The following PLEKHA5 variants were observed in gnomAD, a reference collection of about 807,000 sequenced individuals.
PLEKHA5 encodes pleckstrin homology domain containing A5.
PLEKHA5 carries 55 observed loss-of-function variants against 181.9 expected under a neutral mutation model. The ratio of observed to expected loss-of-function variants is 0.30; its 90% CI spans 0.24 to 0.38. PLEKHA5 has a LOEUF of 0.38. Ranked by LOEUF, PLEKHA5 falls within the 10% of genes least tolerant of loss-of-function variation. The pLI is 1.00. For synonymous variants in PLEKHA5, 535 were observed against 529.4 expected (o/e 1.01, Z -0.15); for missense variants, 1,432 against 1,549.5 (o/e 0.92, Z 1.27).
intron 3 of PLEKHA5, among the ~76,000 whole-genome samples, chr12:19,228,007 G>C (rs978781977): frequency 2.6e-5 from 4 of 152,132 alleles, no homozygotes; most frequent in South Asian, 2.1e-4. Context: ...ATGGGAGCCC[G>C]CTAAGATCCC....
intron 20 of PLEKHA5, among the ~76,000 whole-genome samples, chr12:19,330,571 T>TA (rs1043104848): frequency 1.7e-4 from 26 of 149,022 alleles, no homozygotes; most frequent in South Asian, 2.2e-4. Flanking sequence ...TATAAATTCG[T>TA]AAAAAAAAAT....
At chr12:19,369,002 TG>T (rs2095507765) in intron 30 of PLEKHA5, among the ~76,000 whole-genome samples, 1 of 151,214 alleles carries the variant, frequency 6.6e-6, no homozygotes, top group East Asian at 1.9e-4. Context: ...AAAAAAAAAA[TG>T]TAAAGTATTT....
At chr12:19,149,205 G>C (rs2039715710) in intron 3 of PLEKHA5, among the ~76,000 whole-genome samples, 1 of 152,030 alleles carries the variant, frequency 6.6e-6, no homozygotes, top group Admixed American at 6.6e-5. Flanking sequence ...ATCAGTTATT[G>C]CTCTATGACA....
intron 21 of PLEKHA5, among the ~76,000 whole-genome samples, chr12:19,340,466 T>C (rs1317352994): frequency 3.0e-5 from 4 of 133,694 alleles, no homozygotes; most frequent in Non-Finnish European, 6.8e-5. Context: ...CAACAGCTCA[T>C]TGAGAACGGG....
intron 3 of PLEKHA5, among the ~76,000 whole-genome samples, chr12:19,241,427 A>AATAC (rs1021965513): frequency 5.9e-4 from 90 of 152,312 alleles, no homozygotes; most frequent in African/African-American, 2.1e-3. Context: ...GTACACGATA[A>AATAC]ATACATACTG....
chr12:19,132,325 TA>T, intron 2 of PLEKHA5, 67 bp from the exon 3 acceptor site: 1 of 818,412 alleles, frequency 1.2e-6, no homozygotes, highest in African/African-American at 1.8e-5. Flanking sequence ...AATGGATAAT[TA>T]AAATGGATTG....
intron 10 of PLEKHA5, among the ~76,000 whole-genome samples, chr12:19,272,360 G>A (rs1319914078): frequency 6.6e-6 from 1 of 152,006 alleles, no homozygotes; most frequent in Non-Finnish European, 1.5e-5. Context: ...TTAGAGAAAA[G>A]TCATCATATG....
At chr12:19,231,896 CA>C (rs2152390304) in intron 3 of PLEKHA5, among the ~76,000 whole-genome samples, 1 of 151,804 alleles carries the variant, frequency 6.6e-6, no homozygotes, top group East Asian at 1.9e-4. Flanking sequence ...AAAGAATCAC[CA>C]CTCAATCTGT....
chr12:19,363,269 A>G (rs1465946508), intron 29 of PLEKHA5, among the ~76,000 whole-genome samples: 1 of 151,778 alleles, frequency 6.6e-6, no homozygotes, highest in Non-Finnish European at 1.5e-5. Context: ...CTCCTGCCTC[A>G]GCCTCCTGAG....
At position 19,283,609 on chromosome 12, in the gene PLEKHA5, C is replaced by G. The variant is rs1487446116; in HGVS notation, c.1643C>G (p.Pro548Arg). The change falls in exon 12 of 32, where the codon CCC becomes CGC. Residue 548 changes from proline (P) to arginine (R), a missense_variant. By Grantham distance (103) the Pro-to-Arg change is moderately radical. Transcript: ENST00000429027. Reference protein sequence around the residue: ...NISDQTMHSIPTSPSHGSIAA... With the variant: ...NISDQTMHSIRTSPSHGSIAA... ...TCTGACCAGACAATGCACTCTATTCCCACATCACCTTCCCACGGGTCAATA... is the reference window on the plus strand; with the variant it reads ...TCTGACCAGACAATGCACTCTATTCGCACATCACCTTCCCACGGGTCAATA... 6.2e-7 allele frequency: 1 copy of G among 1,614,046 alleles called. No individual in the cohort carries two copies. Among genetic ancestry groups the G allele is most frequent in the Admixed American group, 1.7e-5 (1 of 60,018 alleles).
Position 19,340,345 on chromosome 12 carries a change from C to T in PLEKHA5, c.2551-2978C>T, listed in dbSNP as rs577466418. Among the ~76,000 whole-genome samples, 62 of 147,338 alleles carry T rather than the reference C, an allele frequency of 4.2e-4. No individual in the cohort carries two copies. The South Asian group carries it at 0.012, about 28-fold the overall frequency. On this transcript the variant is annotated intron_variant, in intron 21 of 31. Transcript: ENST00000429027. Reference sequence around the variant, plus strand: ...AGAGGAGCCCCTCTGCCCGGCCAGCCGCCCCGTCCAGGAGGGAGGCGGGGA... The same window carrying T: ...AGAGGAGCCCCTCTGCCCGGCCAGCTGCCCCGTCCAGGAGGGAGGCGGGGA...
In PLEKHA5 at chr12:19,343,295, T is replaced by C. The variant is rs367786039; in HGVS notation, c.2551-28T>C. The C allele has an allele frequency of 1.5e-5, 20 of 1,348,120 alleles. No individual in the cohort carries two copies. In the East Asian group the frequency reaches 3.0e-4, roughly 20 times the overall value. The allele number at this position is 1,348,120 out of a possible 1,614,324, so 83.5% of individuals were successfully genotyped here. On this transcript the variant is annotated intron_variant, in intron 21 of 31. Coordinates refer to ENST00000429027, the MANE Select transcript of PLEKHA5 (RefSeq NM_001256470.2). ...CTTCAGTGAATGATTTTTTTTCTTATATATGGTCTATCCATTTTTACTGAT... is the reference window on the plus strand; with the variant it reads ...CTTCAGTGAATGATTTTTTTTCTTACATATGGTCTATCCATTTTTACTGAT...
chr12:19,261,722 T>A (rs1323878466), intron 7 of PLEKHA5, among the ~76,000 whole-genome samples: 1 of 152,208 alleles, frequency 6.6e-6, no homozygotes, highest in East Asian at 1.9e-4. Context: ...ATGAAAGAAT[T>A]AGATTGTCAA....
intron 3 of PLEKHA5, among the ~76,000 whole-genome samples, chr12:19,173,981 T>G (rs2046606533): frequency 6.6e-6 from 1 of 152,220 alleles, no homozygotes; most frequent in African/African-American, 2.4e-5. Flanking sequence ...AATTTGTGTT[T>G]GAGACAATTC....
intron 20 of PLEKHA5, among the ~76,000 whole-genome samples, chr12:19,327,253 T>G (rs75272417): frequency 0.089 from 13,287 of 149,992 alleles, 798 homozygotes; most frequent in Admixed American, 0.17. Flanking sequence ...TTTTGTTTTT[T>G]TTTTTTTTTT....
intron 15 of PLEKHA5, among the ~76,000 whole-genome samples, chr12:19,296,492 G>T (rs1002654960): frequency 6.6e-6 from 1 of 151,288 alleles, no homozygotes; most frequent in Non-Finnish European, 1.5e-5. Context: ...AGGTTGCAGT[G>T]AGCCAAGATC....
At chr12:19,135,453 C>T (rs1327873519) in intron 3 of PLEKHA5, among the ~76,000 whole-genome samples, 3 of 152,054 alleles carry the variant, frequency 2.0e-5, no homozygotes, top group Non-Finnish European at 4.4e-5. Context: ...TTATAATATT[C>T]TGGAAAACAA....
intron 5 of PLEKHA5, among the ~76,000 whole-genome samples, chr12:19,256,170 G>C (rs2066829966): frequency 6.6e-6 from 1 of 152,014 alleles, no homozygotes; most frequent in African/African-American, 2.4e-5. Flanking sequence ...TATGAAAAAA[G>C]ATTCTCAGCC....
At chr12:19,368,875 C>G (rs1309703888) in intron 30 of PLEKHA5, among the ~76,000 whole-genome samples, 1 of 151,926 alleles carries the variant, frequency 6.6e-6, no homozygotes, top group African/African-American at 2.4e-5. Flanking sequence ...GGTTATTATG[C>G]AGCAGGTCTG....
Sources: allele counts gnomAD v4.1 joint callset (sites outside exome capture counted in the v4.1 genomes callset), GRCh38; gene constraint gnomAD v4.1.1; transcripts MANE v1.5; gene names NCBI Gene and HGNC (gene_info 2026-07-23, HGNC 2026-07-21).